TNS3: variants seen among roughly 807,000 people sequenced by gnomAD.
TNS3 encodes the protein tensin 3.
TNS3 carries 45 observed loss-of-function variants against 140.9 expected under a neutral mutation model. The ratio of observed to expected loss-of-function variants is 0.32; its 90% CI spans 0.25 to 0.41. The LOEUF is 0.41. Among genes scored for constraint, TNS3 ranks in the 10% least tolerant of loss-of-function variants. The pLI, the probability that TNS3 is intolerant of heterozygous loss-of-function variation, is 1.00. For synonymous variants in TNS3, 815 were observed against 788.4 expected (o/e 1.03, Z -0.56); for missense variants, 1,716 against 1,906.7 (o/e 0.90, Z 1.86).
At position 47,293,970 on chromosome 7, in the gene TNS3, C is replaced by A. The variant is rs1055868382; in HGVS notation, c.3677-142G>T. On this transcript the variant is annotated intron_variant, in intron 24 of 30. Coordinates refer to ENST00000311160, the MANE Select transcript of TNS3 (RefSeq NM_022748.12). ...AGTCCAGTCACTGCAAAAGAGGCTG[C>A]CAAGAACCATCTTCGTCCTAGGAAT... 6.7e-6 allele frequency: 5 copies of A among 751,696 alleles called. No homozygotes were observed. The South Asian group carries it at 8.7e-5, about 13-fold the overall frequency. 46.6% of individuals were successfully genotyped at this position (751,696 alleles called of 1,614,324 possible).
chr7:47,411,184 G>A (rs892152163), intron 13 of TNS3, among the ~76,000 whole-genome samples: 1 of 152,212 alleles, frequency 6.6e-6, no homozygotes, highest in South Asian at 2.1e-4. Context: ...TGTATATCTC[G>A]AGGGGCTCTA....
intron 2 of TNS3, among the ~76,000 whole-genome samples, chr7:47,521,439 G>A (rs1441294038): frequency 2.0e-5 from 3 of 152,176 alleles, no homozygotes; most frequent in Admixed American, 1.3e-4. Flanking sequence ...ACTTTGGGAC[G>A]GAGGTGTCTG....
Position 47,368,920 on chromosome 7 carries a change from T to C in TNS3, c.1726A>G (p.Met576Val), listed in dbSNP as rs751615196. Residue 576 changes from methionine to valine, a missense_variant, in exon 17 of 31, where the codon ATG (methionine) becomes GTG (valine). Met to Val is a conservative substitution (Grantham distance 21). Around this residue, in one of 3 missense-constraint regions of TNS3, gnomAD observed 1,163 missense variants for 1,182.1 expected, o/e 0.98. Transcript: ENST00000311160. ...TAGCTGCTCTGCCCATAGGCCTGCATCTGGGCGGACACTGAGGGCTTTCTC... is the reference window on the plus strand; with the variant it reads ...TAGCTGCTCTGCCCATAGGCCTGCACCTGGGCGGACACTGAGGGCTTTCTC... ...LLRKPSVSAQ[M>V]QAYGQSSYST... The C allele has an allele frequency of 1.9e-6, 3 of 1,613,510 alleles. No individual in the cohort carries two copies. Among genetic ancestry groups the C allele is most frequent in the Non-Finnish European group, 2.5e-6 (3 of 1,179,734 alleles).
intron 16 of TNS3, among the ~76,000 whole-genome samples, chr7:47,377,731 T>TCC: frequency 6.8e-6 from 1 of 147,834 alleles, no homozygotes; most frequent in South Asian, 2.3e-4. Flanking sequence ...TTCCTCCTCC[T>TCC]TCTCCTCCTC....
chr7:47,569,079 A>T (rs934509229), intron 1 of TNS3, among the ~76,000 whole-genome samples: 12 of 152,192 alleles, frequency 7.9e-5, no homozygotes, highest in Non-Finnish European at 1.8e-4. Flanking sequence ...GAACCCAAAC[A>T]TCTCTCCAAA....
intron 5 of TNS3, among the ~76,000 whole-genome samples, chr7:47,439,985 C>T (rs1799376): frequency 0.39 from 58,701 of 151,890 alleles, 11,603 homozygotes; most frequent in Non-Finnish European, 0.42. Flanking sequence ...GGGAAGGACT[C>T]TTTGTGGTTA....
intron 24 of TNS3, among the ~76,000 whole-genome samples, 175 bp from the exon 25 acceptor site, chr7:47,294,003 G>A (rs1026719033): frequency 1.3e-5 from 2 of 152,198 alleles, no homozygotes. Flanking sequence ...AATGGTAGCC[G>A]GGCTGCAGGA....
At chr7:47,422,508 GA>G (rs1196384885) in intron 10 of TNS3, among the ~76,000 whole-genome samples, 2 of 152,120 alleles carry the variant, frequency 1.3e-5, no homozygotes, top group African/African-American at 4.8e-5. Context: ...AGCTACTCAA[GA>G]GGCTGAGGTG....
intron 4 of TNS3, among the ~76,000 whole-genome samples, chr7:47,477,269 C>G (rs575711999): frequency 6.6e-6 from 1 of 152,294 alleles, no homozygotes; most frequent in East Asian, 1.9e-4. Context: ...TTTTGACAGA[C>G]CCGGCAGCTC....
At position 47,368,549 on chromosome 7, in the gene TNS3, G is replaced by A. The variant is rs779885618; in HGVS notation, c.2097C>T (p.Ile699=). The A allele has an allele frequency of 6.2e-5, 98 of 1,577,856 alleles. No individual in the cohort carries two copies. In the South Asian group the frequency reaches 7.0e-4, roughly 11 times the overall value. The part of the protein sequence containing the change: ...GSPTLDIDQS[I]EQLNRLILEL... The stretch of plus-strand genomic sequence containing the variant: ...CCAGGATCAGCCTGTTGAGCTGCTC[G>A]ATGGACTGGTCGATGTCCAGGGTGG... The change falls in exon 17 of 31, where the codon ATC becomes ATT. Residue 699 remains isoleucine (I), a synonymous_variant. Transcript: ENST00000311160.
At chr7:47,394,093 G>A (rs1159486336) in intron 16 of TNS3, among the ~76,000 whole-genome samples, 1 of 152,046 alleles carries the variant, frequency 6.6e-6, no homozygotes, top group African/African-American at 2.4e-5. Flanking sequence ...ATACACCAAT[G>A]GGAATTGTGA....
intron 1 of TNS3, among the ~76,000 whole-genome samples, chr7:47,573,012 G>C (rs976727510): frequency 2.0e-5 from 3 of 152,194 alleles, no homozygotes; most frequent in Non-Finnish European, 4.4e-5. Context: ...GTTGCCACCA[G>C]GGCTGCCCCA....
intron 3 of TNS3, among the ~76,000 whole-genome samples, chr7:47,496,867 C>CGGGGTG (rs1468768508): frequency 6.6e-6 from 1 of 152,118 alleles, no homozygotes. Context: ...TGAGCCAAGG[C>CGGGGTG]AGGGTGAGCC....
At chr7:47,523,394 AG>A (rs1450345372) in intron 2 of TNS3, among the ~76,000 whole-genome samples, 9 of 152,392 alleles carry the variant, frequency 5.9e-5, no homozygotes, top group African/African-American at 2.2e-4. Context: ...ACTATGCCAC[AG>A]AAAGAAGAAG....
At chr7:47,514,740 G>C (rs913124040) in intron 2 of TNS3, among the ~76,000 whole-genome samples, 1 of 152,094 alleles carries the variant, frequency 6.6e-6, no homozygotes, top group East Asian at 1.9e-4. Context: ...CTCAAATGGG[G>C]AGCATTTATG....
At chr7:47,436,850 G>A (rs1410041541) in intron 7 of TNS3, among the ~76,000 whole-genome samples, 1 of 152,064 alleles carries the variant, frequency 6.6e-6, no homozygotes, top group Non-Finnish European at 1.5e-5. Context: ...GCGGGAGGAG[G>A]AAGCATCATG....
At chr7:47,365,626 T>A (rs1790651289) in intron 17 of TNS3, among the ~76,000 whole-genome samples, 2 of 151,856 alleles carry the variant, frequency 1.3e-5, no homozygotes, top group South Asian at 4.2e-4. Context: ...TAGCCGGGCG[T>A]GATGGCGGGC....
At position 47,303,437 on chromosome 7, in the gene TNS3, C is replaced by T. The variant is rs770048494; in HGVS notation, c.2970G>A (p.Pro990=). The T allele has an allele frequency of 1.5e-5, 24 of 1,613,180 alleles. No homozygotes were observed. Among genetic ancestry groups the T allele is most frequent in the Admixed American group, 3.3e-5 (2 of 60,004 alleles). ...TGTGGAAAGGAGCCTGGAGCTCTGACGGCGGGAAGCAGGACAGCACTGGGG... is the reference window on the plus strand; with the variant it reads ...TGTGGAAAGGAGCCTGGAGCTCTGATGGCGGGAAGCAGGACAGCACTGGGG... ...KDSPVLSCFP[P]SELQAPFHSH... is the part of the protein sequence containing the mutation. The change falls in exon 22 of 31, where the codon CCG becomes CCA. Residue 990 remains proline (P), a synonymous_variant. Coordinates refer to ENST00000311160, the MANE Select transcript of TNS3 (RefSeq NM_022748.12).
intron 1 of TNS3, among the ~76,000 whole-genome samples, chr7:47,564,975 A>G (rs1370154323): frequency 1.3e-5 from 2 of 152,180 alleles, no homozygotes; most frequent in Non-Finnish European, 2.9e-5. Context: ...TGTCTTGCAC[A>G]CAAAAGAAGC....
Sources: allele counts gnomAD v4.1 joint callset (sites outside exome capture counted in the v4.1 genomes callset), GRCh38; gene constraint gnomAD v4.1.1; regional missense constraint gnomAD v4.1.1; transcripts MANE v1.5; gene names NCBI Gene and HGNC (gene_info 2026-07-23, HGNC 2026-07-21).